WWOX: variants seen among roughly 807,000 people sequenced by gnomAD.
WWOX encodes the protein WW domain-containing oxidoreductase.
A neutral mutation model predicts 46.2 loss-of-function variants in WWOX; 69 were observed. The observed-to-expected ratio is 1.49, with a 90% CI of 1.23 to 1.82. The LOEUF (loss-of-function observed/expected upper bound fraction) is 1.82. Among genes scored for constraint, WWOX ranks in the 40% most tolerant of loss-of-function variants. The probability of loss-of-function intolerance (pLI) is 0.00; values close to 1 mark genes in which losing one functional copy is unlikely to be tolerated. For missense variants in WWOX, 919 were observed against 542.6 expected (o/e 1.69, Z -6.89); for synonymous variants, 359 against 202.6 (o/e 1.77, Z -6.56).
chr16:78,470,579 G>C (rs111719940), intron 8 of WWOX, among the ~76,000 whole-genome samples: 6,431 of 152,202 alleles, frequency 0.042, 187 homozygotes, highest in Admixed American at 0.068. Flanking sequence ...GCCCAGGCTG[G>C]AGTGCAATGG....
intron 8 of WWOX, among the ~76,000 whole-genome samples, chr16:78,932,230 AGTATT>A (rs1156234654): frequency 5.3e-5 from 8 of 152,188 alleles, no homozygotes; most frequent in Non-Finnish European, 1.2e-4. Context: ...CTCCTCATAA[AGTATT>A]GTATCCAATT....
chr16:78,776,779 G>A lies in WWOX; in HGVS notation c.1056+344027G>A, dbSNP rs758779199. 2.6e-5 allele frequency among the ~76,000 whole-genome samples: 4 copies of A among 152,128 alleles called. 1 individual carries two copies. The highest frequency in any genetic ancestry group is 5.9e-5 in the Non-Finnish European group (4 of 68,024). ...ACCTTACATGGCGGCAGGCAAGAGGGGCAGGGAGGGAGAGAGAAAGAGGGA... is the reference window on the plus strand; with the variant it reads ...ACCTTACATGGCGGCAGGCAAGAGGAGCAGGGAGGGAGAGAGAAAGAGGGA... On this transcript the variant is annotated intron_variant, in intron 8 of 8. Coordinates refer to ENST00000566780, the MANE Select transcript of WWOX (RefSeq NM_016373.4).
intron 8 of WWOX, among the ~76,000 whole-genome samples, chr16:78,994,596 C>T (rs1305624243): frequency 3.9e-5 from 6 of 152,188 alleles, no homozygotes; most frequent in African/African-American, 9.7e-5. Context: ...GCACAGATAA[C>T]CTTGCAGGCG....
intron 4 of WWOX, among the ~76,000 whole-genome samples, chr16:78,120,249 A>G (rs529191732): frequency 2.0e-5 from 3 of 152,194 alleles, no homozygotes; most frequent in Non-Finnish European, 2.9e-5. Flanking sequence ...TCACTCCTCA[A>G]TTTGTTTTCC....
chr16:78,555,168 TAAAAA>T (rs10635594), intron 8 of WWOX, among the ~76,000 whole-genome samples: 11 of 128,414 alleles, frequency 8.6e-5, no homozygotes, highest in Admixed American at 1.7e-4. Context: ...TATGATTTTG[TAAAAA>T]AAAAAAAAAA....
At chr16:78,858,144 TTGTGTGTGTGTGTGTGTG>T (rs59637371) in intron 8 of WWOX, among the ~76,000 whole-genome samples, 1 of 148,540 alleles carries the variant, frequency 6.7e-6, no homozygotes, top group Non-Finnish European at 1.5e-5. Context: ...CATTGTGTGT[TTGTGTGTGTGTGTGTGTG>T]TGTGTGTGTA....
intron 8 of WWOX, among the ~76,000 whole-genome samples, chr16:78,794,270 G>C (rs75709608): frequency 0.02 from 3,019 of 152,242 alleles, 85 homozygotes; most frequent in East Asian, 0.076. Flanking sequence ...CTGCTTCCTT[G>C]ATCTTGGACT....
chr16:78,904,777 G>A (rs1160020267), intron 8 of WWOX, among the ~76,000 whole-genome samples: 3 of 152,004 alleles, frequency 2.0e-5, no homozygotes, highest in Non-Finnish European at 4.4e-5. Context: ...AAAATTCTCG[G>A]GCCTTTGCAC....
intron 8 of WWOX, among the ~76,000 whole-genome samples, chr16:78,499,142 C>G (rs1183860243): frequency 6.6e-6 from 1 of 152,066 alleles, no homozygotes; most frequent in East Asian, 1.9e-4. Flanking sequence ...GGGCCCTTCT[C>G]TTTCCTCGTG....
chr16:78,867,703 GC>G (rs1325920927), intron 8 of WWOX, among the ~76,000 whole-genome samples: 2 of 152,030 alleles, frequency 1.3e-5, no homozygotes, highest in African/African-American at 4.8e-5. Context: ...ACCATGCCTG[GC>G]TAATTAAGTG....
intron 4 of WWOX, among the ~76,000 whole-genome samples, chr16:78,125,927 TAGAA>T (rs1476906219): frequency 1.3e-5 from 2 of 152,054 alleles, no homozygotes; most frequent in Non-Finnish European, 1.5e-5. Context: ...ATGGAAAATT[TAGAA>T]AGCGAAGAAA....
At chr16:78,468,490 G>A (rs971220899) in intron 8 of WWOX, among the ~76,000 whole-genome samples, 13 of 152,088 alleles carry the variant, frequency 8.5e-5, no homozygotes, top group Non-Finnish European at 1.8e-4. Context: ...CCCATGGAAT[G>A]CTGTTCTTGG....
At chr16:78,467,901 T>G (rs906753875) in intron 8 of WWOX, among the ~76,000 whole-genome samples, 1 of 152,234 alleles carries the variant, frequency 6.6e-6, no homozygotes, top group African/African-American at 2.4e-5. Flanking sequence ...TCAGTGATAC[T>G]GATCAGCCTG....
chr16:78,686,286 C>T (rs975227960), intron 8 of WWOX, among the ~76,000 whole-genome samples: 21 of 151,736 alleles, frequency 1.4e-4, no homozygotes, highest in Non-Finnish European at 2.5e-4. Context: ...CCGAGGCGGG[C>T]GGATCACGAG....
At chr16:78,242,622 C>G (rs2037691667) in intron 5 of WWOX, among the ~76,000 whole-genome samples, 1 of 152,146 alleles carries the variant, frequency 6.6e-6, no homozygotes, top group Admixed American at 6.5e-5. Flanking sequence ...GCAGGGTGAC[C>G]TCCTGAGTCC....
At chr16:78,508,348 A>T (rs1177137500) in intron 8 of WWOX, among the ~76,000 whole-genome samples, 1 of 117,256 alleles carries the variant, frequency 8.5e-6, no homozygotes, top group African/African-American at 4.0e-5. Flanking sequence ...TTTAACGCTC[A>T]TCAGCTATTG....
chr16:78,194,939 A>G lies in WWOX; in HGVS notation c.516+30650A>G, dbSNP rs182831103. 3.3e-5 allele frequency among the ~76,000 whole-genome samples: 5 copies of G among 152,334 alleles called. No homozygotes were observed. In the East Asian group the frequency reaches 7.7e-4, roughly 24 times the overall value. On this transcript the variant is annotated intron_variant, in intron 5 of 8. Coordinates refer to ENST00000566780, the MANE Select transcript of WWOX (RefSeq NM_016373.4). The stretch of plus-strand genomic sequence containing the variant: ...TAGAATGTGCGTTCTGCTATACAGC[A>G]GTGCTGTGTGACGCGATAGCAGGTC...
intron 5 of WWOX, among the ~76,000 whole-genome samples, chr16:78,263,179 G>T (rs535197777): frequency 6.6e-5 from 10 of 152,312 alleles, no homozygotes; most frequent in African/African-American, 2.4e-4. Flanking sequence ...GATGGAGGTT[G>T]CAGTGAGCCA....
intron 8 of WWOX, among the ~76,000 whole-genome samples, chr16:78,565,064 C>G (rs1006228366): frequency 1.3e-5 from 2 of 152,190 alleles, no homozygotes; most frequent in Non-Finnish European, 2.9e-5. Flanking sequence ...CTCTCCCCAG[C>G]AACTATAACT....
Sources: gnomAD v4.1 joint callset for allele counts (sites outside exome capture counted in the v4.1 genomes callset) on GRCh38, gnomAD v4.1.1 for gene constraint, MANE v1.5 for transcripts, NCBI Gene and HGNC (gene_info 2026-07-23, HGNC 2026-07-21) for gene names.